NLGN1: variants seen among roughly 807,000 people sequenced by gnomAD.
NLGN1 encodes the protein neuroligin-1.
Under a neutral mutation model 65.5 loss-of-function variants are expected in NLGN1, and 12 were observed. The observed-to-expected ratio is 0.18, with a 90% confidence interval of 0.12 to 0.30. The LOEUF (loss-of-function observed/expected upper bound fraction) is 0.30. Among genes scored for constraint, NLGN1 ranks in the 10% least tolerant of loss-of-function variants. The pLI is 1.00. For missense variants in NLGN1, 750 were observed against 1,007.1 expected, an observed-to-expected ratio of 0.74 and a Z score of 3.46; for synonymous variants, 350 against 359.5, an observed-to-expected ratio of 0.97 and a Z score of 0.30.
At chr3:173,746,132 A>C (rs1775322231) in intron 3 of NLGN1, among the ~76,000 whole-genome samples, 1 of 151,964 alleles carries the variant, frequency 6.6e-6, no homozygotes, top group Non-Finnish European at 1.5e-5. Context: ...GTTTATACCC[A>C]CCTATTAATC....
At chr3:173,492,653 A>G (rs1219658982) in intron 2 of NLGN1, among the ~76,000 whole-genome samples, 2 of 151,860 alleles carry the variant, frequency 1.3e-5, no homozygotes, top group Non-Finnish European at 2.9e-5. Flanking sequence ...ATAGCAAGAA[A>G]TATAATTGGC....
intron 4 of NLGN1, among the ~76,000 whole-genome samples, chr3:174,111,959 C>T (rs1158822434): frequency 6.6e-6 from 1 of 151,790 alleles, no homozygotes; most frequent in African/African-American, 2.4e-5. Context: ...GGAAGTAGTC[C>T]TGGAACTGCC....
intron 3 of NLGN1, among the ~76,000 whole-genome samples, chr3:173,667,282 G>A (rs1353539496): frequency 2.2e-5 from 3 of 137,034 alleles, no homozygotes; most frequent in East Asian, 4.3e-4. Context: ...CAGCACTGTG[G>A]GATGTTCTGA....
At chr3:174,182,236 T>C (rs778297261) in intron 4 of NLGN1, among the ~76,000 whole-genome samples, 3 of 152,176 alleles carry the variant, frequency 2.0e-5, no homozygotes, top group African/African-American at 4.8e-5. Context: ...TTGGACAATA[T>C]TGCAATAACC....
chr3:173,834,780 C>A (rs1723264905), intron 4 of NLGN1, among the ~76,000 whole-genome samples: 1 of 152,178 alleles, frequency 6.6e-6, no homozygotes. Flanking sequence ...AAATTTAAGT[C>A]TCATGCTGTC....
intron 2 of NLGN1, among the ~76,000 whole-genome samples, chr3:173,453,399 TAAAG>T (rs1169730199): frequency 6.6e-6 from 1 of 151,768 alleles, no homozygotes; most frequent in Non-Finnish European, 1.5e-5. Flanking sequence ...TTTTTTTAAA[TAAAG>T]CAACAATGAA....
intron 3 of NLGN1, among the ~76,000 whole-genome samples, chr3:173,627,637 T>C (rs1249585262): frequency 6.6e-6 from 1 of 152,166 alleles, no homozygotes; most frequent in Non-Finnish European, 1.5e-5. Flanking sequence ...GTTGAGCATA[T>C]TATATGGAAA....
intron 4 of NLGN1, among the ~76,000 whole-genome samples, chr3:173,851,112 T>A (rs978411880): frequency 2.6e-5 from 4 of 152,294 alleles, no homozygotes; most frequent in African/African-American, 9.6e-5. Context: ...TATGGTTTTA[T>A]ATCCGATTGA....
chr3:173,710,702 A>C (rs1166324048), intron 3 of NLGN1, among the ~76,000 whole-genome samples: 1 of 152,152 alleles, frequency 6.6e-6, no homozygotes, highest in Non-Finnish European at 1.5e-5. Flanking sequence ...ATTAACTGAG[A>C]ATCTTTTAAC....
chr3:174,032,244 A>G (rs1313370860), intron 4 of NLGN1, among the ~76,000 whole-genome samples: 1 of 152,214 alleles, frequency 6.6e-6, no homozygotes, highest in Non-Finnish European at 1.5e-5. Flanking sequence ...ATAGAGAGGA[A>G]CAAAGGGAAT....
In NLGN1 at chr3:173,865,119, T is replaced by A. The variant is rs530655725; in HGVS notation, c.646+57287T>A. On this transcript the variant is annotated intron_variant, in intron 4 of 6. Coordinates refer to ENST00000457714, the Ensembl canonical transcript of NLGN1. ...GAATTCAGCATGATATTTGTCAAAG[T>A]GAATGCTACTCACTGTTAGGTGGCA... Among the ~76,000 whole-genome samples, 7 of 152,314 alleles carry A rather than the reference T, an allele frequency of 4.6e-5. No individual in the cohort carries two copies. In the South Asian group the frequency reaches 1.4e-3, roughly 32 times the overall value.
At chr3:173,454,412 A>C (rs747754187) in intron 2 of NLGN1, among the ~76,000 whole-genome samples, 1 of 152,054 alleles carries the variant, frequency 6.6e-6, no homozygotes, top group African/African-American at 2.4e-5. Flanking sequence ...TAGCTATGAA[A>C]TTCCTAGATG....
chr3:174,007,806 C>T (rs899785307), intron 4 of NLGN1, among the ~76,000 whole-genome samples: 9 of 152,132 alleles, frequency 5.9e-5, no homozygotes, highest in African/African-American at 2.2e-4. Flanking sequence ...TAGAATTATA[C>T]ATTGTATACA....
intron 4 of NLGN1, among the ~76,000 whole-genome samples, chr3:173,909,815 A>G (rs1419423437): frequency 6.6e-6 from 1 of 152,120 alleles, no homozygotes; most frequent in Non-Finnish European, 1.5e-5. Flanking sequence ...AGTAGCTGGG[A>G]ATACGGGCAT....
intron 4 of NLGN1, among the ~76,000 whole-genome samples, chr3:173,893,189 C>T (rs1735675129): frequency 6.6e-6 from 1 of 152,076 alleles, no homozygotes; most frequent in Non-Finnish European, 1.5e-5. Context: ...TTTTTATGAC[C>T]TTCCTAACTA....
chr3:173,999,663 G>A (rs1238667632), intron 4 of NLGN1, among the ~76,000 whole-genome samples: 1 of 152,046 alleles, frequency 6.6e-6, no homozygotes, highest in African/African-American at 2.4e-5. Context: ...TTTGCCTGCA[G>A]GAACAATTTG....
At chr3:174,010,665 G>T (rs1725356116) in intron 4 of NLGN1, among the ~76,000 whole-genome samples, 1 of 152,168 alleles carries the variant, frequency 6.6e-6, no homozygotes, top group South Asian at 2.1e-4. Context: ...TTTATAACAG[G>T]TAAAATGATG....
chr3:173,761,599 T>C (rs963398928), intron 3 of NLGN1, among the ~76,000 whole-genome samples: 12 of 152,074 alleles, frequency 7.9e-5, no homozygotes, highest in Admixed American at 2.0e-4. Flanking sequence ...AGATTTCTTA[T>C]TAAATAGACC....
chr3:173,786,739 A>G (rs1782030543), intron 3 of NLGN1, among the ~76,000 whole-genome samples: 1 of 152,170 alleles, frequency 6.6e-6, no homozygotes, highest in South Asian at 2.1e-4. Flanking sequence ...AAATACAGAT[A>G]CATTCATATT....
Sources: allele counts gnomAD v4.1 joint callset (sites outside exome capture counted in the v4.1 genomes callset), GRCh38; gene constraint gnomAD v4.1.1; transcripts MANE v1.5; gene names NCBI Gene and HGNC (gene_info 2026-07-23, HGNC 2026-07-21).